MAST2: variants seen among roughly 807,000 people sequenced by gnomAD.
The protein encoded by MAST2 is microtubule associated serine/threonine kinase 2.
A neutral mutation model predicts 147.4 loss-of-function variants in MAST2; 70 were observed. That is an observed-to-expected ratio of 0.47 (90% confidence interval 0.39 to 0.58). The LOEUF is 0.58. Among genes scored for constraint, MAST2 ranks in the 20% least tolerant of loss-of-function variants. MAST2 has a pLI of 0.00. For synonymous variants in MAST2, 869 were observed against 896.8 expected (o/e 0.97, Z 0.55); for missense variants, 2,080 against 2,302.3 (o/e 0.90, Z 1.98).
rs765376673 is a variant in MAST2 at position 46,032,631 on chromosome 1, G to A, written c.3450G>A (p.Gly1150=). The stretch of plus-strand genomic sequence containing the variant: ...ATGGAGGTCCGGCCAGTGAGGCAGG[G>A]CTTCGTCAAGGTGACCTCATCACCC... The part of the protein sequence containing the change: ...VEDGGPASEA[G]LRQGDLITHV... Residue 1150 remains glycine (G), a synonymous_variant, in exon 26 of 29, where the codon GGG becomes GGA. Transcript: ENST00000361297. 48 of 1,614,106 alleles carry A rather than the reference G, an allele frequency of 3.0e-5. No homozygotes were observed. Among genetic ancestry groups the A allele is most frequent in the Non-Finnish European group, 3.5e-5 (41 of 1,180,048 alleles).
intron 4 of MAST2, among the ~76,000 whole-genome samples, chr1:45,947,284 A>G (rs914314733): frequency 2.0e-5 from 3 of 148,192 alleles, no homozygotes; most frequent in Non-Finnish European, 3.0e-5. Flanking sequence ...CACAGAATAC[A>G]CTAATGATAG....
At chr1:45,975,172 C>G (rs1474633490) in intron 5 of MAST2, among the ~76,000 whole-genome samples, 2 of 152,060 alleles carry the variant, frequency 1.3e-5, no homozygotes, top group Non-Finnish European at 2.9e-5. Context: ...AAGTTGCAAC[C>G]TGTTCAGGGT....
chr1:45,896,403 G>A (rs758835411), intron 4 of MAST2, among the ~76,000 whole-genome samples: 3 of 152,108 alleles, frequency 2.0e-5, no homozygotes, highest in Non-Finnish European at 4.4e-5. Flanking sequence ...GATTCATAGG[G>A]TGAGTTACTA....
At chr1:45,820,891 C>CTTTTTTTT (rs1644603466) in intron 1 of MAST2, among the ~76,000 whole-genome samples, 1 of 68,152 alleles carries the variant, frequency 1.5e-5, no homozygotes, top group African/African-American at 5.6e-5. Flanking sequence ...CTCTTTCTTT[C>CTTTTTTTT]TCTTTTTTTT....
chr1:45,917,547 C>G (rs937950005), intron 4 of MAST2: 10 of 1,365,796 alleles, frequency 7.3e-6, no homozygotes, highest in Non-Finnish European at 9.8e-6. Context: ...AGGAAACTTG[C>G]TGTGAATCTG....
chr1:46,032,489 G>A lies in MAST2; in HGVS notation c.3414+85G>A, dbSNP rs1025457459. 89 of 1,594,214 alleles carry A rather than the reference G, an allele frequency of 5.6e-5. No individual in the cohort carries two copies. In the Middle Eastern group the frequency reaches 6.6e-4, roughly 12 times the overall value. On this transcript the variant is annotated intron_variant, in intron 25 of 28. Coordinates refer to ENST00000361297, the MANE Select transcript of MAST2 (RefSeq NM_015112.3). ...TTGTGGAGCCCATCTGTCCCTGCTC[G>A]GGGGTCAAAGGGTGGTGGTGAAGGG...
At chr1:45,872,943 C>T (rs1471495604) in intron 3 of MAST2, among the ~76,000 whole-genome samples, 1 of 152,110 alleles carries the variant, frequency 6.6e-6, no homozygotes, top group African/African-American at 2.4e-5. Context: ...TATAGTCAAA[C>T]ATTACTTAAA....
intron 4 of MAST2, among the ~76,000 whole-genome samples, chr1:45,884,502 A>G (rs1186804245): frequency 1.3e-5 from 2 of 152,206 alleles, no homozygotes; most frequent in Non-Finnish European, 2.9e-5. Flanking sequence ...CAGTGAGCTG[A>G]GATCATGCCA....
chr1:45,931,430 G>A (rs1344178243), intron 4 of MAST2, among the ~76,000 whole-genome samples: 1 of 138,568 alleles, frequency 7.2e-6, no homozygotes, highest in Non-Finnish European at 1.5e-5. Context: ...TGCCCAGGCT[G>A]GAATGCAGTG....
intron 5 of MAST2, among the ~76,000 whole-genome samples, chr1:45,961,621 A>T (rs1660431698): frequency 6.6e-6 from 1 of 152,182 alleles, no homozygotes; most frequent in African/African-American, 2.4e-5. Flanking sequence ...TCTCTTAGCA[A>T]ATCACTGCAG....
chr1:46,017,151 G>T (rs532451069), intron 10 of MAST2, among the ~76,000 whole-genome samples: 8 of 152,180 alleles, frequency 5.3e-5, no homozygotes, highest in Non-Finnish European at 7.4e-5. Context: ...GATCCCTTCC[G>T]TACACCTTAT....
intron 3 of MAST2, among the ~76,000 whole-genome samples, chr1:45,841,953 C>G (rs1238238460): frequency 5.3e-5 from 8 of 152,150 alleles, no homozygotes; most frequent in Non-Finnish European, 1.2e-4. Context: ...TATAGAAATT[C>G]TAGTTACTTA....
chr1:45,915,560 A>G (rs10890368), intron 4 of MAST2, among the ~76,000 whole-genome samples: 50,327 of 151,920 alleles, frequency 0.33, 8,623 homozygotes, highest in African/African-American at 0.41. Flanking sequence ...AATACAAAAA[A>G]TTAGCCGGAC....
At chr1:45,809,289 T>C (rs1644227264) in intron 1 of MAST2, among the ~76,000 whole-genome samples, 1 of 152,200 alleles carries the variant, frequency 6.6e-6, no homozygotes, top group Non-Finnish European at 1.5e-5. Flanking sequence ...AAGCTCTTTA[T>C]TCTCTGCTTC....
At chr1:45,820,893 C>CTTTTTTTTTTTTTTTTTTT (rs769508054) in intron 1 of MAST2, among the ~76,000 whole-genome samples, 27 of 43,076 alleles carry the variant, frequency 6.3e-4, no homozygotes, top group Non-Finnish European at 8.2e-4. Flanking sequence ...CTTTCTTTCT[C>CTTTTTTTTTTTTTTTTTTT]TTTTTTTTTT....
At position 45,899,440 on chromosome 1, in the gene MAST2, T is replaced by C. The variant is rs191247334; in HGVS notation, c.500+17045T>C. Among the ~76,000 whole-genome samples, 11 of 151,776 alleles carry C rather than the reference T, an allele frequency of 7.2e-5. No individual in the cohort carries two copies. The South Asian group carries it at 1.7e-3, about 23-fold the overall frequency. On this transcript the variant is annotated intron_variant, in intron 4 of 28. Coordinates refer to ENST00000361297, the MANE Select transcript of MAST2 (RefSeq NM_015112.3). ...AGTGAACATAATACTCAATAGGTAG[T>C]TTTTCTATGCTTGCCATACCTCCTC...
chr1:45,917,397 G>C, intron 4 of MAST2: 1 of 1,366,522 alleles, frequency 7.3e-7, no homozygotes, highest in Non-Finnish European at 9.8e-7. Flanking sequence ...ACCCACATCT[G>C]CTCCAGCCCT....
chr1:45,806,438 C>T (rs1057337513), intron 1 of MAST2, among the ~76,000 whole-genome samples: 5 of 152,174 alleles, frequency 3.3e-5, no homozygotes, highest in Admixed American at 1.3e-4. Context: ...CTCACTCTGT[C>T]ACCCACGCTG....
chr1:45,950,118 G>A (rs1321634810), intron 4 of MAST2, among the ~76,000 whole-genome samples: 3 of 152,114 alleles, frequency 2.0e-5, no homozygotes, highest in African/African-American at 7.2e-5. Flanking sequence ...ACTATTGGGT[G>A]CTAGGCTTAA....
Sources: gnomAD v4.1 joint callset for allele counts (sites outside exome capture counted in the v4.1 genomes callset) on GRCh38, gnomAD v4.1.1 for gene constraint, MANE v1.5 for transcripts, NCBI Gene and HGNC (gene_info 2026-07-23, HGNC 2026-07-21) for gene names.